Variants in OVGP1 observed in about 807,000 individuals in gnomAD.
The protein encoded by OVGP1 is oviductal glycoprotein 1.
A neutral mutation model predicts 48.2 loss-of-function variants in OVGP1; 26 were observed. That is an observed-to-expected ratio of 0.54 (90% CI 0.40 to 0.75). The LOEUF (loss-of-function observed/expected upper bound fraction) is 0.75, where lower values mean the gene tolerates loss of function less well. Ranked by LOEUF, OVGP1 falls within the 30% of genes least tolerant of loss-of-function variation. The probability of loss-of-function intolerance (pLI) is 0.00; values close to 1 mark genes in which losing one functional copy is unlikely to be tolerated. For synonymous variants in OVGP1, 294 were observed against 305.7 expected (o/e 0.96, Z 0.40); for missense variants, 791 against 820.6 (o/e 0.96, Z 0.44).
At chr1:111,417,129 C>A (rs2101722961) in intron 9 of OVGP1, among the ~76,000 whole-genome samples, 1 of 152,334 alleles carries the variant, frequency 6.6e-6, no homozygotes, top group Admixed American at 6.5e-5. Context: ...CAATACCTGG[C>A]ACATAGTGAA....
intron 2 of OVGP1, 164 bp from the exon 3 acceptor site, chr1:111,426,805 TC>T: frequency 1.3e-6 from 2 of 1,547,114 alleles, no homozygotes; most frequent in Non-Finnish European, 8.7e-7. Context: ...GTTCTATTCC[TC>T]CCCCACTGCT....
intron 9 of OVGP1, among the ~76,000 whole-genome samples, chr1:111,416,911 C>G (rs1382965261): frequency 6.6e-6 from 1 of 152,166 alleles, no homozygotes; most frequent in Non-Finnish European, 1.5e-5. Context: ...GGGGAAGTTA[C>G]TGTTTAATGG....
chr1:111,423,581 G>A lies in OVGP1; in HGVS notation c.445C>T (p.Pro149Ser), dbSNP rs1225350183. Residue 149 changes from proline to serine, a missense_variant, in exon 5 of 11, where the codon CCC (proline) becomes TCC (serine). Coordinates refer to ENST00000369732, the MANE Select transcript of OVGP1 (RefSeq NM_002557.4). Reference protein sequence around the residue: ...FFLYPGLRGSPMHDRWTFLFL... With the variant: ...FFLYPGLRGSSMHDRWTFLFL... Reference sequence around the variant, plus strand: ...AGAAAAGTCCACCGGTCATGCATGGGGCTGCCTCTTAGTCCAGGATATAAG... The same window carrying A: ...AGAAAAGTCCACCGGTCATGCATGGAGCTGCCTCTTAGTCCAGGATATAAG... 4.3e-6 allele frequency: 7 copies of A among 1,614,026 alleles called. No individual in the cohort carries two copies. Among genetic ancestry groups the A allele is most frequent in the Admixed American group, 1.7e-5 (1 of 60,012 alleles).
At chr1:111,425,548 T>C in intron 3 of OVGP1, 109 bp from the exon 4 acceptor site, 1 of 1,555,084 alleles carries the variant, frequency 6.4e-7, no homozygotes, top group African/African-American at 1.4e-5. Flanking sequence ...ACAGGAGAGA[T>C]GGGAGGTAAG....
intron 9 of OVGP1, among the ~76,000 whole-genome samples, chr1:111,418,937 G>C (rs1652197281): frequency 6.6e-6 from 1 of 152,184 alleles, no homozygotes; most frequent in Non-Finnish European, 1.5e-5. Context: ...AAACCTGCCA[G>C]ATTCAACTTC....
chr1:111,425,982 A>G (rs2101729461), intron 3 of OVGP1, among the ~76,000 whole-genome samples: 1 of 152,296 alleles, frequency 6.6e-6, no homozygotes. Context: ...ACACTTACTG[A>G]GCACCAACCC....
Position 111,423,679 on chromosome 1 carries a change from T to C in OVGP1, c.347A>G (p.Asn116Ser), listed in dbSNP as rs1218553601. ...AACTGAAGCAATAAACTTTTCACGG[T>C]TGGCAAATGTGGACAACATAGTGGT... is the stretch of plus-strand genomic sequence containing the variant. ...RFTTMLSTFA[N>S]REKFIASVIS... is the part of the protein sequence containing the mutation. The change falls in exon 5 of 11, where the codon AAC (asparagine) becomes AGC (serine). Residue 116 changes from asparagine to serine, a missense_variant. Physicochemically the swap from Asn to Ser is conservative, Grantham distance 46. Coordinates refer to ENST00000369732, the MANE Select transcript of OVGP1 (RefSeq NM_002557.4). The C allele has an allele frequency of 6.2e-7, 1 of 1,614,010 alleles. No individual in the cohort carries two copies. The highest frequency in any genetic ancestry group is 8.5e-7 in the Non-Finnish European group (1 of 1,179,988).
chr1:111,422,812 G>A (rs796740199), intron 6 of OVGP1, 115 bp downstream of exon 6: 22 of 1,247,898 alleles, frequency 1.8e-5, no homozygotes, highest in East Asian at 7.0e-5. Context: ...TTGCACTGAC[G>A]TCAGGGCAGG....
intron 5 of OVGP1, 44 bp from the exon 6 acceptor site, chr1:111,423,095 G>C: frequency 1.9e-6 from 3 of 1,611,758 alleles, no homozygotes; most frequent in Non-Finnish European, 2.5e-6. Context: ...GACAAACAGA[G>C]AGGCGGGGCC....
At chr1:111,427,306 A>C in intron 1 of OVGP1, 1 of 985,376 alleles carries the variant, frequency 1.0e-6, no homozygotes, top group Non-Finnish European at 1.2e-6. Context: ...TTTTTGATAA[A>C]CATGTGTATA....
Position 111,415,661 on chromosome 1 carries a change from A to G in OVGP1, c.1157-317T>C, listed in dbSNP as rs933296506. On this transcript the variant is annotated intron_variant, in intron 10 of 10. Transcript: ENST00000369732. ...CCCTCACTTTGACATCTCTGATTGC[A>G]TCATCAGCAAAACCTTGCCTCGAGG... Among the ~76,000 whole-genome samples, 5 of 152,128 alleles carry G rather than the reference A, an allele frequency of 3.3e-5. No homozygotes were observed. In the East Asian group the frequency reaches 9.6e-4, roughly 29 times the overall value.
At chr1:111,417,155 AG>A (rs1652156848) in intron 9 of OVGP1, among the ~76,000 whole-genome samples, 1 of 152,268 alleles carries the variant, frequency 6.6e-6, no homozygotes, top group South Asian at 2.1e-4. Context: ...AATAAAAGTT[AG>A]CTACTAACCC....
intron 9 of OVGP1, 105 bp from the exon 10 acceptor site, chr1:111,416,563 G>T: frequency 7.2e-6 from 7 of 975,444 alleles, no homozygotes; most frequent in African/African-American, 4.9e-5. Flanking sequence ...GTAGCTGGGT[G>T]GTTAGGAGTG....
intron 9 of OVGP1, among the ~76,000 whole-genome samples, chr1:111,416,939 G>A (rs1652152325): frequency 6.6e-6 from 1 of 152,156 alleles, no homozygotes; most frequent in African/African-American, 2.4e-5. Context: ...GTTTCCATTC[G>A]AGAAGATGAA....
At chr1:111,426,672 A>G (rs1264892) in intron 2 of OVGP1, 31 bp from the exon 3 acceptor site, 705,826 of 1,603,070 alleles carry the variant, frequency 0.44, 163,808 homozygotes, top group East Asian at 0.76. Flanking sequence ...TTAGTTGGCA[A>G]AAACCAAGGG....
rs1652376181 is a variant in OVGP1, at chr1:111,425,451, G to C, written c.261-12C>G. The C allele has an allele frequency of 1.9e-6, 3 of 1,613,938 alleles. No individual in the cohort carries two copies. The highest frequency in any genetic ancestry group is 2.5e-6 in the Non-Finnish European group (3 of 1,179,972). ...TCAGCTCTCTGTTCCTATGATGTGA[G>C]AGAGAGGGTTGATGAGCTGGGTTCT... On this transcript the variant is annotated splice_polypyrimidine_tract_variant and intron_variant, in intron 3 of 10. Transcript: ENST00000369732.
At chr1:111,426,404 A>G in intron 3 of OVGP1, 33 bp downstream of exon 3, 1 of 1,613,510 alleles carries the variant, frequency 6.2e-7, no homozygotes, top group Non-Finnish European at 8.5e-7. Flanking sequence ...GTGAAATCTG[A>G]AAATACAACC....
intron 6 of OVGP1, 141 bp from the exon 7 acceptor site, chr1:111,421,814 G>A (rs1652278908): frequency 4.8e-6 from 3 of 619,668 alleles, no homozygotes; most frequent in Non-Finnish European, 8.6e-6. Context: ...GCCTGCCCAG[G>A]CTGTGCTATC....
rs770631350 is a variant in OVGP1, at chr1:111,414,677, A to AC, written c.1823dup (p.Asn609Ter). 17 of 1,613,926 alleles carry AC rather than the reference A, an allele frequency of 1.1e-5. No individual in the cohort carries two copies. Among genetic ancestry groups the AC allele is most frequent in the Non-Finnish European group, 1.4e-5 (17 of 1,179,974 alleles). On this transcript the variant is annotated frameshift_variant, in exon 11 of 11. Transcript: ENST00000369732. LOFTEE classifies it low-confidence loss of function (END_TRUNC). ...CAGCTTCCATCTGAAGACCCAAGTTACCCATCCTGGGGTGAGTGCCCACCT... is the reference window on the plus strand; with the variant it reads ...CAGCTTCCATCTGAAGACCCAAGTTACCCCATCCTGGGGTGAGTGCCCACCT...
Sources: gnomAD v4.1 joint callset for allele counts (sites outside exome capture counted in the v4.1 genomes callset) on GRCh38, gnomAD v4.1.1 for gene constraint, MANE v1.5 for transcripts, NCBI Gene and HGNC (gene_info 2026-07-23, HGNC 2026-07-21) for gene names.